Variants in PYY observed in about 807,000 individuals in gnomAD.
PYY encodes peptide YY.
A neutral mutation model predicts 10.3 loss-of-function variants in PYY; 12 were observed. The ratio of observed to expected loss-of-function variants is 1.17; its 90% confidence interval spans 0.75 to 1.89. The LOEUF (loss-of-function observed/expected upper bound fraction) is 1.89. PYY is among the 40% of genes most tolerant of loss of function. PYY has a pLI of 0.00. For synonymous variants in PYY, 66 were observed against 62.0 expected (o/e 1.06, Z -0.30); for missense variants, 141 against 134.0 (o/e 1.05, Z -0.26).
intron 1 of PYY, among the ~76,000 whole-genome samples, chr17:43,999,297 T>C (rs901130805): frequency 6.6e-6 from 1 of 151,986 alleles, no homozygotes. Context: ...CCTAAGTGGA[T>C]TGCGCCTAAG....
intron 1 of PYY, among the ~76,000 whole-genome samples, chr17:43,999,591 AC>A (rs1341462686): frequency 6.6e-6 from 1 of 151,730 alleles, no homozygotes; most frequent in African/African-American, 2.4e-5. Flanking sequence ...AAATGGTGAA[AC>A]CCTGTTTCTA....
chr17:43,979,961 A>G lies in PYY; in HGVS notation c.-462-13429T>C, dbSNP rs1355867048. Reference sequence around the variant, plus strand: ...AGATTGTAAATGTTCAGCTCAATGGATTTTCACAAACAAAGCGCATCAATG... The same window carrying G: ...AGATTGTAAATGTTCAGCTCAATGGGTTTTCACAAACAAAGCGCATCAATG... On this transcript the variant is annotated intron_variant, in intron 1 of 6. Coordinates refer to the PYY transcript ENST00000360085. 3.3e-5 allele frequency among the ~76,000 whole-genome samples: 5 copies of G among 152,070 alleles called. No individual in the cohort carries two copies. In the East Asian group the frequency reaches 9.6e-4, roughly 29 times the overall value.
intron 1 of PYY, among the ~76,000 whole-genome samples, chr17:43,967,185 C>T (rs755307872): frequency 1.3e-5 from 2 of 152,042 alleles, no homozygotes; most frequent in Non-Finnish European, 2.9e-5. Context: ...TGCCTATAAT[C>T]CCAGCTACTC....
intron 2 of PYY, among the ~76,000 whole-genome samples, chr17:43,960,545 A>AC (rs1555616832): frequency 3.3e-5 from 5 of 149,424 alleles, no homozygotes; most frequent in African/African-American, 4.9e-5. Flanking sequence ...AAAAAAAAAA[A>AC]AAAAAAAAAA....
At chr17:43,999,439 G>T (rs2049011196) in intron 1 of PYY, among the ~76,000 whole-genome samples, 1 of 152,006 alleles carries the variant, frequency 6.6e-6, no homozygotes. Flanking sequence ...GGCGGGGGAG[G>T]TGAAGTTAGA....
At position 43,953,286 on chromosome 17, in the gene PYY, C is replaced by G; in HGVS notation, c.188+10G>C. Reference sequence around the variant, plus strand: ...GAGCCCCAGGGGTCCCGCTCCGCGCCTGCGCTCACCGCTGCCGGGTGACCA... The same window carrying G: ...GAGCCCCAGGGGTCCCGCTCCGCGCGTGCGCTCACCGCTGCCGGGTGACCA... On this transcript the variant is annotated intron_variant, in intron 2 of 3. Coordinates refer to ENST00000692052, the MANE Select transcript of PYY (RefSeq NM_001394028.1). The G allele has an allele frequency of 4.3e-6, 7 of 1,611,024 alleles. No homozygotes were observed. The highest frequency in any genetic ancestry group is 5.9e-6 in the Non-Finnish European group (7 of 1,178,568).
intron 2 of PYY, among the ~76,000 whole-genome samples, chr17:43,961,008 C>A (rs1383431914): frequency 6.6e-6 from 1 of 151,316 alleles, no homozygotes; most frequent in African/African-American, 2.4e-5. Context: ...GACACTTGAG[C>A]CCAGGAATTT....
chr17:43,985,878 C>T (rs917746535), intron 1 of PYY, among the ~76,000 whole-genome samples: 21 of 151,810 alleles, frequency 1.4e-4, no homozygotes, highest in African/African-American at 4.6e-4. Flanking sequence ...AAGCAGAATA[C>T]AAAAAAATAC....
At chr17:43,962,042 T>C (rs2048715877) in intron 2 of PYY, among the ~76,000 whole-genome samples, 1 of 152,142 alleles carries the variant, frequency 6.6e-6, no homozygotes, top group Admixed American at 6.6e-5. Context: ...GACCATAAAT[T>C]GTTCCCCAGT....
At chr17:43,979,396 G>A (rs1025102389) in intron 1 of PYY, among the ~76,000 whole-genome samples, 10 of 152,254 alleles carry the variant, frequency 6.6e-5, no homozygotes, top group East Asian at 1.9e-4. Context: ...ATCTCAAACC[G>A]ATAAAACATC....
intron 1 of PYY, among the ~76,000 whole-genome samples, chr17:43,985,155 T>A (rs1955845301): frequency 6.6e-6 from 1 of 152,110 alleles, no homozygotes; most frequent in East Asian, 1.9e-4. Context: ...ACATGAAGAG[T>A]ACCTACAAGT....
intron 1 of PYY, among the ~76,000 whole-genome samples, chr17:43,976,998 T>C (rs2048853663): frequency 6.6e-6 from 1 of 151,912 alleles, no homozygotes; most frequent in Admixed American, 6.6e-5. Context: ...TACCCACATT[T>C]CTCCACAATT....
intron 1 of PYY, among the ~76,000 whole-genome samples, chr17:43,988,728 G>C (rs1022443568): frequency 2.0e-5 from 3 of 149,930 alleles, no homozygotes; most frequent in African/African-American, 7.4e-5. Flanking sequence ...ATATTTTCTG[G>C]TTCTCTAGCT....
chr17:44,000,021 TTTTTTA>T (rs1295525604), intron 1 of PYY, among the ~76,000 whole-genome samples: 2 of 152,084 alleles, frequency 1.3e-5, no homozygotes, highest in East Asian at 3.9e-4. Context: ...TTTCTTTTCT[TTTTTTA>T]TTTTTGAGAA....
chr17:43,969,377 C>T (rs1048310973), intron 1 of PYY, among the ~76,000 whole-genome samples: 2 of 151,184 alleles, frequency 1.3e-5, no homozygotes, highest in Non-Finnish European at 2.9e-5. Context: ...TTAGCTGGGC[C>T]GTGGTGGCGG....
chr17:43,954,904 A>G (rs1330286381), upstream of PYY, among the ~76,000 whole-genome samples: 3 of 152,254 alleles, frequency 2.0e-5, no homozygotes, highest in African/African-American at 7.2e-5. Context: ...TCACAAGACG[A>G]TGAGCTGAGT....
intron 2 of PYY, among the ~76,000 whole-genome samples, chr17:43,965,208 T>C (rs549036766): frequency 6.6e-6 from 1 of 152,172 alleles, no homozygotes; most frequent in South Asian, 2.1e-4. Flanking sequence ...TGGCCAGGCA[T>C]AGTGGCTCAC....
intron 2 of PYY, among the ~76,000 whole-genome samples, chr17:43,960,084 C>A (rs1623547): frequency 6.6e-6 from 1 of 152,044 alleles, no homozygotes; most frequent in Admixed American, 6.6e-5. Flanking sequence ...TCATGCACCC[C>A]CCCTTAATAG....
chr17:43,978,473 T>A (rs947943592), intron 1 of PYY, among the ~76,000 whole-genome samples: 4 of 152,112 alleles, frequency 2.6e-5, no homozygotes, highest in East Asian at 3.9e-4. Context: ...CTGGACAATG[T>A]AGCGAGACTC....
Sources: allele counts gnomAD v4.1 joint callset (sites outside exome capture counted in the v4.1 genomes callset), GRCh38; gene constraint gnomAD v4.1.1; transcripts MANE v1.5; gene names NCBI Gene and HGNC (gene_info 2026-07-23, HGNC 2026-07-21).